The following USP6NL variants were observed in gnomAD, a reference collection of about 807,000 sequenced individuals.
USP6NL encodes USP6 N-terminal-like protein.
A neutral mutation model predicts 61.9 loss-of-function variants in USP6NL; 26 were observed. The ratio of observed to expected loss-of-function variants is 0.42; its 90% confidence interval spans 0.31 to 0.58. The LOEUF (loss-of-function observed/expected upper bound fraction) is 0.58. USP6NL is among the 20% of genes least tolerant of loss of function. USP6NL has a pLI of 0.16. For missense variants in USP6NL, 1,114 were observed against 1,034.3 expected, an observed-to-expected ratio of 1.08 and a Z score of -1.06; for synonymous variants, 432 against 390.1, an observed-to-expected ratio of 1.11 and a Z score of -1.27.
Position 11,474,660 on chromosome 10 carries a change from AT to A in USP6NL, c.1078+7109del, listed in dbSNP as rs1287143090. Among the ~76,000 whole-genome samples, 1 of 152,236 alleles carries A rather than the reference AT, an allele frequency of 6.6e-6. No homozygotes were observed. Among genetic ancestry groups the A allele is most frequent in the Non-Finnish European group, 1.5e-5 (1 of 68,042 alleles). On this transcript the variant is annotated intron_variant, in intron 14 of 14. Coordinates refer to ENST00000609104, the MANE Select transcript of USP6NL (RefSeq NM_014688.5). The surrounding 1 kb of genome is among the most constrained non-coding windows in gnomAD (Gnocchi z 4.9). The stretch of plus-strand genomic sequence containing the variant: ...ATAAATACTAATTTTTAAAATCTAA[AT>A]AATCCTGTGCATAGAAAATTTGTCC...
At chr10:11,504,133 AAATTAT>A (rs1834332496) in intron 6 of USP6NL, among the ~76,000 whole-genome samples, 2 of 152,222 alleles carry the variant, frequency 1.3e-5, no homozygotes, top group African/African-American at 4.8e-5. Flanking sequence ...AAAAAGAATT[AAATTAT>A]AAGACCCTAA....
chr10:11,559,002 C>A (rs971584444), intron 2 of USP6NL, among the ~76,000 whole-genome samples: 4 of 152,128 alleles, frequency 2.6e-5, no homozygotes, highest in Non-Finnish European at 5.9e-5. Flanking sequence ...GCCACTAAGT[C>A]GAGTTTGGTT....
At chr10:11,522,146 C>T (rs146688682) in intron 4 of USP6NL, among the ~76,000 whole-genome samples, 1 of 152,208 alleles carries the variant, frequency 6.6e-6, no homozygotes, top group Non-Finnish European at 1.5e-5. Flanking sequence ...ATTCCAAAAC[C>T]AAGTTGTTCT....
At chr10:11,521,970 T>TCCA (rs1018124063) in intron 4 of USP6NL, among the ~76,000 whole-genome samples, 7 of 152,236 alleles carry the variant, frequency 4.6e-5, no homozygotes, top group African/African-American at 1.7e-4. Context: ...GTTAAAGTTC[T>TCCA]CCAACTTCTT....
intron 2 of USP6NL, among the ~76,000 whole-genome samples, chr10:11,572,544 T>C (rs1035958508): frequency 2.0e-5 from 3 of 152,082 alleles, no homozygotes; most frequent in Non-Finnish European, 4.4e-5. Context: ...ATATTCTTTA[T>C]ATGGTTGACT....
chr10:11,538,567 T>G lies in USP6NL; in HGVS notation c.5-11000A>C, dbSNP rs562114759. On this transcript the variant is annotated intron_variant, in intron 2 of 14. Transcript: ENST00000609104. The stretch of plus-strand genomic sequence containing the variant: ...AAAAATTAATTACTAAAGTGAATTA[T>G]CCAACCAATTAAAAATTTAATATAT... Among the ~76,000 whole-genome samples, 82 of 152,324 alleles carry G rather than the reference T, an allele frequency of 5.4e-4. 2 individuals carry two copies. The highest frequency in any genetic ancestry group is 2.0e-3 in the African/African-American group (82 of 41,580).
At position 11,489,085 on chromosome 10, in the gene USP6NL, G is replaced by T; in HGVS notation, c.664+17C>A. ...TCCCTACCTTGATTGTTTAGATAAA[G>T]CACAGGGTTTTCTTACCATGCATGG... On this transcript the variant is annotated intron_variant, in intron 10 of 14. Transcript: ENST00000609104. The surrounding 1 kb of genome is among the most constrained non-coding windows in gnomAD (Gnocchi z 5.7). 1 of 1,612,790 alleles carries T rather than the reference G, an allele frequency of 6.2e-7. No individual in the cohort carries two copies. The highest frequency in any genetic ancestry group is 1.1e-5 in the South Asian group (1 of 90,814).
Position 11,591,073 on chromosome 10 carries a change from T to C in USP6NL, c.4+6558A>G, listed in dbSNP as rs1165983637. Among the ~76,000 whole-genome samples the C allele has an allele frequency of 1.3e-5, 2 of 152,102 alleles. No homozygotes were observed. The highest frequency in any genetic ancestry group is 4.8e-5 in the African/African-American group (2 of 41,404). Reference sequence around the variant, plus strand: ...CCTACATTTACGAATGAGTAAAGGATGTGTGGGGAGGGGGTTAAAGAAGTC... The same window carrying C: ...CCTACATTTACGAATGAGTAAAGGACGTGTGGGGAGGGGGTTAAAGAAGTC... On this transcript the variant is annotated intron_variant, in intron 2 of 14. Coordinates refer to ENST00000609104, the MANE Select transcript of USP6NL (RefSeq NM_014688.5). The surrounding 1 kb of genome is among the most constrained non-coding windows in gnomAD (Gnocchi z 4.7).
At chr10:11,488,963 A>G (rs1833594633) in intron 10 of USP6NL, 139 bp downstream of exon 10, 3 of 1,087,028 alleles carry the variant, frequency 2.8e-6, no homozygotes, top group Non-Finnish European at 3.8e-6. Flanking sequence ...AGAAGAAACT[A>G]GTAACAAATA....
Position 11,470,052 on chromosome 10 carries a change from C to T in USP6NL, c.1079-6203G>A, listed in dbSNP as rs952220675. Among the ~76,000 whole-genome samples, 3 of 152,176 alleles carry T rather than the reference C, an allele frequency of 2.0e-5. No homozygotes were observed. Among genetic ancestry groups the T allele is most frequent in the Non-Finnish European group, 4.4e-5 (3 of 68,034 alleles). ...TTACGTTTCCAGGGAGGCCCTCAGG[C>T]CCCCGGGGCAGCGCTGTGGAGGTAG... On this transcript the variant is annotated intron_variant, in intron 14 of 14. Transcript: ENST00000609104. The surrounding 1 kb of genome is among the most constrained non-coding windows in gnomAD (Gnocchi z 5.4).
In USP6NL at chr10:11,462,854, C is replaced by G; in HGVS notation, c.2074G>C (p.Val692Leu). Residue 692 changes from valine (V) to leucine (L), a missense_variant, in exon 15 of 15, where the codon GTA (valine) becomes CTA (leucine). Val to Leu is a conservative substitution (Grantham distance 32, BLOSUM62 1). Coordinates refer to ENST00000609104, the MANE Select transcript of USP6NL (RefSeq NM_014688.5). ...EKSYSRPSPLVLPSSRIEVLP... is the reference protein window; with the variant it reads ...EKSYSRPSPLLLPSSRIEVLP... ...ACTTCTATTCGACTAGACGGCAGTA[C>G]AAGGGGGCTTGGGCGGCTGTAAGAT... is the stretch of plus-strand genomic sequence containing the variant. The G allele has an allele frequency of 1.2e-6, 2 of 1,613,936 alleles. No individual in the cohort carries two copies. The highest frequency in any genetic ancestry group is 1.7e-6 in the Non-Finnish European group (2 of 1,179,894).
At chr10:11,577,429 C>A (rs1837592167) in intron 2 of USP6NL, among the ~76,000 whole-genome samples, 1 of 151,994 alleles carries the variant, frequency 6.6e-6, no homozygotes, top group Non-Finnish European at 1.5e-5. Context: ...AAAACGGAGT[C>A]TCTTAATTGC....
At position 11,561,538 on chromosome 10, in the gene USP6NL, G is replaced by C. The variant is rs1836930318; in HGVS notation, c.5-33971C>G. On this transcript the variant is annotated intron_variant, in intron 2 of 14. Transcript: ENST00000609104. The surrounding 1 kb of genome is among the most constrained non-coding windows in gnomAD (Gnocchi z 4.1). ...AATATATTTCATAGACATTTTTCCAGGTCTGTTCAGATAAATTAAGCTTAC... is the reference window on the plus strand; with the variant it reads ...AATATATTTCATAGACATTTTTCCACGTCTGTTCAGATAAATTAAGCTTAC... 6.6e-6 allele frequency among the ~76,000 whole-genome samples: 1 copy of C among 152,116 alleles called. No individual in the cohort carries two copies. Among genetic ancestry groups the C allele is most frequent in the Non-Finnish European group, 1.5e-5 (1 of 68,012 alleles).
intron 14 of USP6NL, among the ~76,000 whole-genome samples, chr10:11,475,335 C>T (rs561890268): frequency 1.3e-5 from 2 of 149,918 alleles, no homozygotes; most frequent in Non-Finnish European, 3.0e-5. Flanking sequence ...AGGCTGGGTG[C>T]GGTGGCTCAC....
intron 2 of USP6NL, among the ~76,000 whole-genome samples, chr10:11,535,160 C>T (rs986640882): frequency 6.6e-6 from 1 of 152,200 alleles, no homozygotes; most frequent in Non-Finnish European, 1.5e-5. Context: ...GGGGAAGAGG[C>T]AGAGGCAATG....
intron 14 of USP6NL, among the ~76,000 whole-genome samples, chr10:11,466,922 T>C (rs1226495893): frequency 1.3e-5 from 2 of 152,230 alleles, no homozygotes; most frequent in African/African-American, 2.4e-5. Context: ...CAGCATTCTA[T>C]ATGCAGTCCA....
At position 11,532,795 on chromosome 10, in the gene USP6NL, C is replaced by G. The variant is rs1175793748; in HGVS notation, c.5-5228G>C. On this transcript the variant is annotated intron_variant, in intron 2 of 14. Transcript: ENST00000609104. This position sits in a 1 kb window ranked among gnomAD's most constrained non-coding sequence, Gnocchi z 4.1. Reference sequence around the variant, plus strand: ...GTGAAAATTGTAGCCTCTGTTTCAGCCCGTTTCAGACAGGAAGCAAAATAC... The same window carrying G: ...GTGAAAATTGTAGCCTCTGTTTCAGGCCGTTTCAGACAGGAAGCAAAATAC... Among the ~76,000 whole-genome samples, 1 of 152,106 alleles carries G rather than the reference C, an allele frequency of 6.6e-6. No individual in the cohort carries two copies. The highest frequency in any genetic ancestry group is 1.5e-5 in the Non-Finnish European group (1 of 68,018).
At position 11,467,125 on chromosome 10, in the gene USP6NL, A is replaced by G. The variant is rs61844557; in HGVS notation, c.1079-3276T>C. 2.7e-3 allele frequency among the ~76,000 whole-genome samples: 414 copies of G among 152,308 alleles called. 2 individuals are homozygous for G. The highest frequency in any genetic ancestry group is 4.5e-3 in the Non-Finnish European group (309 of 68,024). On this transcript the variant is annotated intron_variant, in intron 14 of 14. Transcript: ENST00000609104. ...CCACAAATCTGAACACCACGCTACC[A>G]ATGCTTTCATCCAAGTGACTGGTAA...
chr10:11,489,926 C>A lies in USP6NL; in HGVS notation c.544-704G>T, dbSNP rs114936441. 6.6e-6 allele frequency among the ~76,000 whole-genome samples: 1 copy of A among 152,326 alleles called. No homozygotes were observed. Among genetic ancestry groups the A allele is most frequent in the African/African-American group, 2.4e-5 (1 of 41,566 alleles). ...GGGTGCAATCTGAGCCGCAGTATAA[C>A]TGGCCAGTAGGCAAAGGAAGCAATC... On this transcript the variant is annotated intron_variant, in intron 9 of 14. Transcript: ENST00000609104. This position sits in a 1 kb window ranked among gnomAD's most constrained non-coding sequence, Gnocchi z 5.7.
Sources: allele counts gnomAD v4.1 joint callset (sites outside exome capture counted in the v4.1 genomes callset), GRCh38; gene constraint gnomAD v4.1.1; non-coding constraint Gnocchi (gnomAD v3.1); transcripts MANE v1.5; gene names NCBI Gene and HGNC (gene_info 2026-07-23, HGNC 2026-07-21).